Variants in EDEM3 observed in about 807,000 individuals in gnomAD.
The protein encoded by EDEM3 is ER degradation-enhancing alpha-mannosidase-like protein 3.
In EDEM3, 60 loss-of-function variants were observed where a neutral mutation model predicts 110.2. The ratio of observed to expected loss-of-function variants is 0.54; its 90% CI spans 0.44 to 0.67. The LOEUF (loss-of-function observed/expected upper bound fraction) is 0.67. Ranked by LOEUF, EDEM3 falls within the 30% of genes least tolerant of loss-of-function variation. EDEM3 has a pLI of 0.00. For synonymous variants in EDEM3, 352 were observed against 382.9 expected (o/e 0.92, Z 0.94); for missense variants, 996 against 1,121.0 (o/e 0.89, Z 1.59).
At position 184,722,158 on chromosome 1, in the gene EDEM3, A is replaced by T. The variant is rs565545576; in HGVS notation, c.854-772T>A. ...ATGCTGGTACGTTACCATGAAAATA[A>T]TAGTTCTCATCTCAAACTAGTGACT... On this transcript the variant is annotated intron_variant, in intron 8 of 19. Coordinates refer to ENST00000318130, the MANE Select transcript of EDEM3 (RefSeq NM_025191.4). Among the ~76,000 whole-genome samples, 7 of 152,178 alleles carry T rather than the reference A, an allele frequency of 4.6e-5. No homozygotes were observed. In the East Asian group the frequency reaches 1.4e-3, roughly 29 times the overall value.
chr1:184,753,407 CTTTT>C (rs35445359), intron 1 of EDEM3, among the ~76,000 whole-genome samples: 1 of 138,326 alleles, frequency 7.2e-6, no homozygotes, highest in Admixed American at 7.2e-5. Context: ...TCAAAATGCA[CTTTT>C]TTTTTTTTTT....
intron 4 of EDEM3, among the ~76,000 whole-genome samples, chr1:184,735,423 G>C (rs1651768173): frequency 6.6e-6 from 1 of 152,168 alleles, no homozygotes; most frequent in South Asian, 2.1e-4. Flanking sequence ...AGCAGCAAAA[G>C]TAGTCCCTGT....
intron 18 of EDEM3, among the ~76,000 whole-genome samples, chr1:184,704,742 T>C (rs1362064297): frequency 6.8e-6 from 1 of 147,850 alleles, no homozygotes; most frequent in Non-Finnish European, 1.5e-5. Flanking sequence ...TATACCATTT[T>C]CCAACTAATA....
chr1:184,754,646 T>TGGCCCCGCGGTTCCGCGCAC lies in EDEM3; in HGVS notation c.-20_-1dup. 1.3e-6 allele frequency: 2 copies of TGGCCCCGCGGTTCCGCGCAC among 1,565,550 alleles called. No individual in the cohort carries two copies. The highest frequency in any genetic ancestry group is 1.7e-6 in the Non-Finnish European group (2 of 1,156,294). ...CAGCCCCGGCCGCCGGCTTCGCTCA[T>TGGCCCCGCGGTTCCGCGCAC]GGCCCCGCGGTTCCGCGCACGCGCA... On this transcript the variant is annotated 5_prime_UTR_variant, in exon 1 of 20. Coordinates refer to ENST00000318130, the MANE Select transcript of EDEM3 (RefSeq NM_025191.4).
At chr1:184,707,180 C>A (rs1232771010) in intron 17 of EDEM3, among the ~76,000 whole-genome samples, 1 of 152,126 alleles carries the variant, frequency 6.6e-6, no homozygotes, top group Non-Finnish European at 1.5e-5. Flanking sequence ...TTGGGACCTG[C>A]AGGCAGATTC....
chr1:184,738,656 T>C (rs143129371), intron 2 of EDEM3, among the ~76,000 whole-genome samples: 3 of 152,316 alleles, frequency 2.0e-5, no homozygotes, highest in African/African-American at 7.2e-5. Flanking sequence ...AAATGATCAA[T>C]AGTTCACATT....
intron 6 of EDEM3, among the ~76,000 whole-genome samples, chr1:184,728,149 C>G (rs1029929036): frequency 3.3e-5 from 5 of 152,110 alleles, no homozygotes; most frequent in Admixed American, 1.3e-4. Flanking sequence ...AGGAATAGAT[C>G]CTTGTCCTCA....
chr1:184,721,828 T>C (rs1468057251), intron 8 of EDEM3, among the ~76,000 whole-genome samples: 1 of 151,866 alleles, frequency 6.6e-6, no homozygotes, highest in Admixed American at 6.6e-5. Context: ...AAAACACCTA[T>C]TTTACTGTCT....
rs1020893583 is a variant in EDEM3 at position 184,739,246 on chromosome 1, A to G, written c.205-1535T>C. 3.4e-5 allele frequency among the ~76,000 whole-genome samples: 5 copies of G among 149,234 alleles called. No homozygotes were observed. In the South Asian group the frequency reaches 6.2e-4, roughly 19 times the overall value. On this transcript the variant is annotated intron_variant, in intron 2 of 19. Transcript: ENST00000318130. ...TTATCATTAAAATTATTTTAATTTTAATAAAATAATTAAATTTAAATTAAT... is the reference window on the plus strand; with the variant it reads ...TTATCATTAAAATTATTTTAATTTTGATAAAATAATTAAATTTAAATTAAT...
chr1:184,697,671 T>G (rs1333827916), intron 19 of EDEM3, among the ~76,000 whole-genome samples: 1 of 151,790 alleles, frequency 6.6e-6, no homozygotes, highest in African/African-American at 2.4e-5. Flanking sequence ...ACTCCTAACT[T>G]TTATTTTAAA....
intron 19 of EDEM3, among the ~76,000 whole-genome samples, chr1:184,699,704 C>CT (rs1382908956): frequency 1.1e-4 from 16 of 151,140 alleles, no homozygotes; most frequent in African/African-American, 3.4e-4. Flanking sequence ...ATGATGGAAC[C>CT]TTTTTTTTTC....
At chr1:184,714,682 T>G (rs577000966) in intron 13 of EDEM3, among the ~76,000 whole-genome samples, 1 of 152,196 alleles carries the variant, frequency 6.6e-6, no homozygotes, top group Non-Finnish European at 1.5e-5. Context: ...TCATCTAAAC[T>G]ATAGATCATT....
intron 1 of EDEM3, among the ~76,000 whole-genome samples, chr1:184,750,370 G>A (rs1652688813): frequency 6.6e-6 from 1 of 152,182 alleles, no homozygotes; most frequent in Non-Finnish European, 1.5e-5. Flanking sequence ...CTGTAAGGTT[G>A]CGACTGAGGA....
chr1:184,708,347 A>G lies in EDEM3; in HGVS notation c.1846-3T>C, dbSNP rs770025123. 3 of 1,604,612 alleles carry G rather than the reference A, an allele frequency of 1.9e-6. No individual in the cohort carries two copies. In the Admixed American group the frequency reaches 5.3e-5, roughly 28 times the overall value. On this transcript the variant is annotated splice_region_variant and splice_polypyrimidine_tract_variant and intron_variant, in intron 16 of 19. Transcript: ENST00000318130. ...TCAGCGTCGATTGAACTAGCAGCCT[A>G]TGAAAAAAACAAATTCATTTTATCC...
At chr1:184,714,870 A>G (rs1650458839) in intron 13 of EDEM3, among the ~76,000 whole-genome samples, 1 of 152,222 alleles carries the variant, frequency 6.6e-6, no homozygotes, top group African/African-American at 2.4e-5. Context: ...CCATACAGTT[A>G]AGTATGTGAA....
At chr1:184,722,024 T>C (rs1490706242) in intron 8 of EDEM3, among the ~76,000 whole-genome samples, 1 of 151,994 alleles carries the variant, frequency 6.6e-6, no homozygotes, top group East Asian at 1.9e-4. Context: ...TCTGGATTTT[T>C]CCTCTTAGGT....
At chr1:184,711,985 G>T in intron 14 of EDEM3, 108 bp from the exon 15 acceptor site, 1 of 810,872 alleles carries the variant, frequency 1.2e-6, no homozygotes, top group Non-Finnish European at 1.8e-6. Context: ...GCAGTGCAGT[G>T]GCGTAATCTC....
chr1:184,706,139 T>TA (rs10717733), intron 18 of EDEM3, among the ~76,000 whole-genome samples: 7 of 151,470 alleles, frequency 4.6e-5, no homozygotes, highest in Admixed American at 2.0e-4. Context: ...TACTATCAAA[T>TA]AAAAAAAAAT....
intron 6 of EDEM3, among the ~76,000 whole-genome samples, chr1:184,730,568 TAGAG>T (rs1213837702): frequency 6.6e-6 from 1 of 152,088 alleles, no homozygotes; most frequent in Non-Finnish European, 1.5e-5. Flanking sequence ...GCCTGGGTGA[TAGAG>T]GGAGACTATC....
Sources: gnomAD v4.1 joint callset for allele counts (sites outside exome capture counted in the v4.1 genomes callset) on GRCh38, gnomAD v4.1.1 for gene constraint, MANE v1.5 for transcripts, NCBI Gene and HGNC (gene_info 2026-07-23, HGNC 2026-07-21) for gene names.